The following GALNT13 variants were observed in gnomAD, a reference collection of about 807,000 sequenced individuals.
GALNT13 encodes UDP-GalNAc:polypeptide N-acetylgalactosaminyltransferase 13.
A neutral mutation model predicts 64.2 loss-of-function variants in GALNT13; 28 were observed. The ratio of observed to expected loss-of-function variants is 0.44; its 90% CI spans 0.32 to 0.60. The LOEUF is 0.60. Ranked by LOEUF, GALNT13 falls within the 20% of genes least tolerant of loss-of-function variation. The probability of loss-of-function intolerance (pLI) is 0.05; values close to 1 mark genes in which losing one functional copy is unlikely to be tolerated. For synonymous variants in GALNT13, 214 were observed against 224.6 expected, an observed-to-expected ratio of 0.95 and a Z score of 0.42; for missense variants, 577 against 669.8, an observed-to-expected ratio of 0.86 and a Z score of 1.53.
chr2:153,899,978 C>A (rs1688130447), intron 1 of GALNT13, among the ~76,000 whole-genome samples: 1 of 141,514 alleles, frequency 7.1e-6, no homozygotes, highest in Non-Finnish European at 1.5e-5. Context: ...TTCTGTCTCC[C>A]AGGCTGGAGT....
chr2:153,213,929 C>G, the GALNT13 span, among the ~76,000 whole-genome samples: 2 of 152,122 alleles, frequency 1.3e-5, no homozygotes, highest in South Asian at 4.1e-4. Context: ...CAACCCTGTG[C>G]TGAACATAAC....
chr2:153,929,035 C>T (rs1312080939), intron 2 of GALNT13, among the ~76,000 whole-genome samples: 2 of 152,200 alleles, frequency 1.3e-5, no homozygotes, highest in African/African-American at 2.4e-5. Flanking sequence ...AGGAGTTTTA[C>T]ATATTGGAAT....
At chr2:153,580,308 C>T in the GALNT13 span, among the ~76,000 whole-genome samples, 2 of 151,854 alleles carry the variant, frequency 1.3e-5, no homozygotes, top group Non-Finnish European at 2.9e-5. Flanking sequence ...GAATACCCAA[C>T]TTGAGCAAAC....
chr2:153,800,981 A>G, the GALNT13 span, among the ~76,000 whole-genome samples: 1 of 152,282 alleles, frequency 6.6e-6, no homozygotes, highest in African/African-American at 2.4e-5. Flanking sequence ...TTGTACTTTT[A>G]TGTTATGGAG....
chr2:154,251,930 T>TA (rs897630008), intron 7 of GALNT13, among the ~76,000 whole-genome samples: 1 of 152,130 alleles, frequency 6.6e-6, no homozygotes, highest in Admixed American at 6.6e-5. Flanking sequence ...TTTTATAATT[T>TA]AAAAAAATCA....
At chr2:153,405,367 TGCATGCACAG>T in the GALNT13 span, among the ~76,000 whole-genome samples, 1 of 152,174 alleles carries the variant, frequency 6.6e-6, no homozygotes, top group African/African-American at 2.4e-5. Flanking sequence ...TTAGGGGAAA[TGCATGCACAG>T]GCATGCACAA....
the GALNT13 span, among the ~76,000 whole-genome samples, chr2:153,827,661 C>T: frequency 2.0e-5 from 3 of 150,138 alleles, no homozygotes; most frequent in Non-Finnish European, 3.0e-5. Flanking sequence ...GGTGGGAACA[C>T]AGCCGAAGTA....
the GALNT13 span, among the ~76,000 whole-genome samples, chr2:153,513,216 T>C: frequency 6.6e-6 from 1 of 152,210 alleles, no homozygotes; most frequent in African/African-American, 2.4e-5. Context: ...AGACAACTTA[T>C]TCATCGTCCT....
the GALNT13 span, among the ~76,000 whole-genome samples, chr2:153,435,392 G>A: frequency 2.9e-4 from 44 of 152,102 alleles, 1 homozygote; most frequent in South Asian, 2.1e-4. Context: ...TGATGGGGAT[G>A]GCATTGAATC....
the GALNT13 span, among the ~76,000 whole-genome samples, chr2:153,491,836 C>T: frequency 6.6e-6 from 1 of 151,930 alleles, no homozygotes; most frequent in African/African-American, 2.4e-5. Context: ...CCAGGCTGGA[C>T]TCGAACTCCT....
At chr2:153,634,274 A>G in the GALNT13 span, among the ~76,000 whole-genome samples, 1 of 152,208 alleles carries the variant, frequency 6.6e-6, no homozygotes, top group Non-Finnish European at 1.5e-5. Context: ...CTTACCTTTT[A>G]TGTAACCTAC....
At chr2:153,325,776 G>T in the GALNT13 span, among the ~76,000 whole-genome samples, 1 of 152,124 alleles carries the variant, frequency 6.6e-6, no homozygotes, top group African/African-American at 2.4e-5. Context: ...TTCAGGAGGA[G>T]GTTGTTCAGT....
intron 9 of GALNT13, among the ~76,000 whole-genome samples, chr2:154,330,747 C>T (rs2105192388): frequency 6.6e-6 from 1 of 152,234 alleles, no homozygotes; most frequent in Admixed American, 6.5e-5. Flanking sequence ...CCCAAGTTTA[C>T]AGTGGGTTCC....
chr2:154,355,154 T>G (rs1257955695), intron 9 of GALNT13, among the ~76,000 whole-genome samples: 1 of 152,026 alleles, frequency 6.6e-6, no homozygotes, highest in Non-Finnish European at 1.5e-5. Context: ...CAGCCACATG[T>G]TTTTCTTCTT....
intron 3 of GALNT13, among the ~76,000 whole-genome samples, chr2:154,127,483 C>A (rs1002666286): frequency 3.3e-5 from 5 of 151,838 alleles, no homozygotes; most frequent in African/African-American, 1.2e-4. Context: ...TAAAGTAGCA[C>A]AGGATTTAAA....
chr2:153,159,100 A>C, the GALNT13 span: 1 of 161,132 alleles, frequency 6.2e-6, no homozygotes, highest in African/African-American at 2.4e-5. Context: ...GGAGAAGTTC[A>C]TCTTGGGCTG....
intron 3 of GALNT13, among the ~76,000 whole-genome samples, chr2:154,109,507 T>G (rs776059419): frequency 1.3e-5 from 2 of 152,070 alleles, no homozygotes; most frequent in African/African-American, 2.4e-5. Flanking sequence ...TTTAGAGTAC[T>G]TTGTTTAATA....
At chr2:153,625,606 A>T in the GALNT13 span, among the ~76,000 whole-genome samples, 3 of 152,080 alleles carry the variant, frequency 2.0e-5, no homozygotes, top group Non-Finnish European at 4.4e-5. Context: ...TGTTCTGTTC[A>T]TTGTTCTCCA....
At chr2:153,335,869 T>G in the GALNT13 span, among the ~76,000 whole-genome samples, 2 of 151,824 alleles carry the variant, frequency 1.3e-5, no homozygotes, top group African/African-American at 2.4e-5. Flanking sequence ...AAAAAAGTGG[T>G]TTTGTGGGCT....
Sources: allele counts gnomAD v4.1 joint callset (sites outside exome capture counted in the v4.1 genomes callset), GRCh38; gene constraint gnomAD v4.1.1; transcripts MANE v1.5; gene names NCBI Gene and HGNC (gene_info 2026-07-23, HGNC 2026-07-21).